Variants in PTPRK observed in about 807,000 individuals in gnomAD.
PTPRK encodes receptor-type tyrosine-protein phosphatase kappa.
A neutral mutation model predicts 178.0 loss-of-function variants in PTPRK; 75 were observed. The ratio of observed to expected loss-of-function variants is 0.42; its 90% CI spans 0.35 to 0.51. The LOEUF (loss-of-function observed/expected upper bound fraction) is 0.51. Ranked by LOEUF, PTPRK falls within the 20% of genes least tolerant of loss-of-function variation. The pLI is 0.02. For synonymous variants in PTPRK, 637 were observed against 620.6 expected (o/e 1.03, Z -0.39); for missense variants, 1,441 against 1,797.8 (o/e 0.80, Z 3.59).
At chr6:128,437,917 G>A (rs1043574696) in intron 1 of PTPRK, among the ~76,000 whole-genome samples, 4 of 152,208 alleles carry the variant, frequency 2.6e-5, no homozygotes, top group African/African-American at 9.6e-5. Flanking sequence ...TCGCATAGGC[G>A]GGAGAGATCA....
At chr6:128,207,289 C>T (rs192653936) in intron 6 of PTPRK, among the ~76,000 whole-genome samples, 188 of 152,228 alleles carry the variant, frequency 1.2e-3, no homozygotes, top group South Asian at 2.5e-3. Context: ...ACCCTCTCCC[C>T]GCTACAAAAT....
chr6:128,236,821 C>T (rs994295554), intron 5 of PTPRK, among the ~76,000 whole-genome samples: 1 of 152,128 alleles, frequency 6.6e-6, no homozygotes, highest in East Asian at 1.9e-4. Context: ...GGTAGATCTA[C>T]TTCAAATACT....
chr6:128,138,501 A>T (rs1034356471), intron 7 of PTPRK, among the ~76,000 whole-genome samples: 4 of 152,110 alleles, frequency 2.6e-5, no homozygotes, highest in Admixed American at 2.6e-4. Context: ...TACCTTAAAG[A>T]TTATTGTCCT....
chr6:128,167,582 A>T (rs890356804), intron 7 of PTPRK, among the ~76,000 whole-genome samples: 2 of 151,982 alleles, frequency 1.3e-5, no homozygotes, highest in African/African-American at 4.8e-5. Flanking sequence ...ACTTCATATA[A>T]CTAGGTGGAT....
chr6:128,066,392 A>AAGCATAC (rs1160605986), intron 12 of PTPRK, among the ~76,000 whole-genome samples: 1 of 152,178 alleles, frequency 6.6e-6, no homozygotes, highest in African/African-American at 2.4e-5. Context: ...CCTACAAGCC[A>AAGCATAC]AGCATACAGG....
At chr6:128,023,247 A>G (rs1050848262) in intron 13 of PTPRK, among the ~76,000 whole-genome samples, 1 of 152,224 alleles carries the variant, frequency 6.6e-6, no homozygotes, top group Non-Finnish European at 1.5e-5. Flanking sequence ...CTGACGAGTG[A>G]TTTCTAATTT....
chr6:128,222,885 C>T (rs1583556651), intron 5 of PTPRK, among the ~76,000 whole-genome samples: 3 of 152,134 alleles, frequency 2.0e-5, no homozygotes, highest in Admixed American at 2.0e-4. Context: ...TGCAGACATT[C>T]CTACTTGATT....
chr6:128,307,326 A>G (rs1299078841), intron 3 of PTPRK, among the ~76,000 whole-genome samples: 1 of 151,412 alleles, frequency 6.6e-6, no homozygotes, highest in East Asian at 1.9e-4. Context: ...TGCTGTATAT[A>G]AAATCAAACC....
chr6:128,372,516 A>G (rs921474733), intron 2 of PTPRK, among the ~76,000 whole-genome samples: 9 of 152,236 alleles, frequency 5.9e-5, no homozygotes, highest in African/African-American at 2.2e-4. Flanking sequence ...GGCACATTGT[A>G]TACATTGTTC....
At chr6:128,315,545 C>G (rs1245221556) in intron 3 of PTPRK, among the ~76,000 whole-genome samples, 3 of 152,038 alleles carry the variant, frequency 2.0e-5, no homozygotes, top group Non-Finnish European at 2.9e-5. Flanking sequence ...AAAATCAAGA[C>G]AGCTAAAATT....
At chr6:128,267,482 C>A (rs935418900) in intron 3 of PTPRK, among the ~76,000 whole-genome samples, 3 of 152,046 alleles carry the variant, frequency 2.0e-5, no homozygotes, top group African/African-American at 7.2e-5. Context: ...AAAGAGATGG[C>A]AAGTGATTCC....
At chr6:128,055,522 C>A (rs528558816) in intron 13 of PTPRK, among the ~76,000 whole-genome samples, 8 of 151,786 alleles carry the variant, frequency 5.3e-5, no homozygotes, top group African/African-American at 1.9e-4. Context: ...TTTCTATCTC[C>A]TCTTCATTTT....
At chr6:128,022,510 C>G (rs776968018) in intron 13 of PTPRK, among the ~76,000 whole-genome samples, 5 of 152,140 alleles carry the variant, frequency 3.3e-5, no homozygotes, top group Non-Finnish European at 5.9e-5. Context: ...TTCACATATT[C>G]CATGAGAGTT....
intron 6 of PTPRK, among the ~76,000 whole-genome samples, chr6:128,199,474 T>A (rs1805509359): frequency 6.6e-6 from 1 of 151,956 alleles, no homozygotes. Context: ...GAGGTAGCAC[T>A]TCTGGGGTGC....
Position 128,356,317 on chromosome 6 carries a change from A to G in PTPRK, c.224-34007T>C, listed in dbSNP as rs1432344667. 2.0e-5 allele frequency among the ~76,000 whole-genome samples: 3 copies of G among 152,184 alleles called. No homozygotes were observed. In the East Asian group the frequency reaches 5.8e-4, roughly 29 times the overall value. Reference sequence around the variant, plus strand: ...CTTTCTCCTTTCTTTAATCGAGCTTATTGAAGGTATAATCAACGGACTTCC... The same window carrying G: ...CTTTCTCCTTTCTTTAATCGAGCTTGTTGAAGGTATAATCAACGGACTTCC... On this transcript the variant is annotated intron_variant, in intron 2 of 29. Transcript: ENST00000368226.
chr6:128,492,950 G>A (rs1854043176), intron 1 of PTPRK, among the ~76,000 whole-genome samples: 1 of 152,084 alleles, frequency 6.6e-6, no homozygotes, highest in Admixed American at 6.5e-5. Flanking sequence ...GCTCATTTTT[G>A]TGGCAACCCA....
At chr6:128,457,119 T>C (rs1467778419) in intron 1 of PTPRK, among the ~76,000 whole-genome samples, 1 of 152,078 alleles carries the variant, frequency 6.6e-6, no homozygotes, top group Admixed American at 6.6e-5. Flanking sequence ...AGGGGGAAAA[T>C]CTGCAAATAT....
chr6:128,297,906 A>G (rs1824783746), intron 3 of PTPRK, among the ~76,000 whole-genome samples: 1 of 152,220 alleles, frequency 6.6e-6, no homozygotes, highest in African/African-American at 2.4e-5. Context: ...AGAGACATAA[A>G]AAGCCCTTCA....
intron 2 of PTPRK, among the ~76,000 whole-genome samples, chr6:128,389,036 AAAGC>A (rs1839169415): frequency 6.6e-6 from 1 of 152,176 alleles, no homozygotes; most frequent in Non-Finnish European, 1.5e-5. Flanking sequence ...AAACCTAGAA[AAAGC>A]AAGCCAGCGT....
Sources: gnomAD v4.1 joint callset for allele counts (sites outside exome capture counted in the v4.1 genomes callset) on GRCh38, gnomAD v4.1.1 for gene constraint, MANE v1.5 for transcripts, NCBI Gene and HGNC (gene_info 2026-07-23, HGNC 2026-07-21) for gene names.